The following CDH18 variants were observed in gnomAD, a reference collection of about 807,000 sequenced individuals.
CDH18 encodes the protein cadherin 18, also known as cadherin-18.
A neutral mutation model predicts 67.9 loss-of-function variants in CDH18; 31 were observed. The observed-to-expected ratio is 0.46, with a 90% confidence interval of 0.34 to 0.62. The LOEUF is 0.62. Among genes scored for constraint, CDH18 ranks in the 20% least tolerant of loss-of-function variants. CDH18 has a pLI of 0.01. For missense variants in CDH18, 890 were observed against 975.5 expected, an observed-to-expected ratio of 0.91 and a Z score of 1.17; for synonymous variants, 362 against 347.2, an observed-to-expected ratio of 1.04 and a Z score of -0.48.
At chr5:20,472,471 G>A (rs933094011) in intron 1 of CDH18, among the ~76,000 whole-genome samples, 81 of 152,124 alleles carry the variant, frequency 5.3e-4, no homozygotes, top group African/African-American at 2.4e-5. Context: ...GAGGAAGTTC[G>A]CATGTGTGAA....
chr5:19,919,176 C>T (rs1792160707), intron 2 of CDH18, among the ~76,000 whole-genome samples: 1 of 152,130 alleles, frequency 6.6e-6, no homozygotes, highest in Non-Finnish European at 1.5e-5. Flanking sequence ...ACCCCCACTA[C>T]ACAGACTCAC....
At chr5:20,497,173 G>A (rs747047047) in intron 1 of CDH18, among the ~76,000 whole-genome samples, 1 of 152,136 alleles carries the variant, frequency 6.6e-6, no homozygotes, top group East Asian at 1.9e-4. Flanking sequence ...GAGGGAAATA[G>A]TAAGTGAGGG....
At chr5:19,716,969 T>G (rs1446115295) in intron 5 of CDH18, among the ~76,000 whole-genome samples, 1 of 152,092 alleles carries the variant, frequency 6.6e-6, no homozygotes, top group Admixed American at 6.6e-5. Flanking sequence ...TAGTAGTATT[T>G]ACTGGGCATG....
At chr5:20,474,674 G>C (rs1294291540) in intron 1 of CDH18, among the ~76,000 whole-genome samples, 1 of 152,206 alleles carries the variant, frequency 6.6e-6, no homozygotes, top group Non-Finnish European at 1.5e-5. Context: ...TTCACAAGAT[G>C]AGAAAGGAAG....
Position 20,573,349 on chromosome 5 carries a change from C to A in CDH18, c.-580+2113G>T, listed in dbSNP as rs961660099. Among the ~76,000 whole-genome samples the A allele has an allele frequency of 2.6e-5, 4 of 151,444 alleles. No homozygotes were observed. In the South Asian group the frequency reaches 6.2e-4, roughly 24 times the overall value. On this transcript the variant is annotated intron_variant, in intron 1 of 14. Transcript: ENST00000507958. Reference sequence around the variant, plus strand: ...AACACACACAATACTATTAGAATTACGTTTTTTTTTAATTGCATATAAGCC... The same window carrying A: ...AACACACACAATACTATTAGAATTAAGTTTTTTTTTAATTGCATATAAGCC...
At chr5:20,544,109 T>G (rs1757204529) in intron 1 of CDH18, among the ~76,000 whole-genome samples, 1 of 152,162 alleles carries the variant, frequency 6.6e-6, no homozygotes, top group Non-Finnish European at 1.5e-5. Context: ...GTGATTAGGT[T>G]TATTGCTGAA....
At chr5:19,766,949 G>A (rs951646208) in intron 3 of CDH18, among the ~76,000 whole-genome samples, 1 of 151,790 alleles carries the variant, frequency 6.6e-6, no homozygotes, top group African/African-American at 2.4e-5. Flanking sequence ...CTCATTGAGG[G>A]GAGGAGCCAA....
At chr5:19,623,575 A>G (rs922881440) in intron 5 of CDH18, among the ~76,000 whole-genome samples, 4 of 152,020 alleles carry the variant, frequency 2.6e-5, no homozygotes, top group African/African-American at 7.2e-5. Flanking sequence ...GCATATTTTT[A>G]TCTTATTCTG....
intron 12 of CDH18, among the ~76,000 whole-genome samples, chr5:19,474,726 A>T (rs1738152768): frequency 6.6e-6 from 1 of 152,142 alleles, no homozygotes; most frequent in African/African-American, 2.4e-5. Context: ...TATTTCAAAG[A>T]CATGAAATAA....
intron 2 of CDH18, among the ~76,000 whole-genome samples, chr5:20,015,594 C>T (rs1415574845): frequency 6.6e-6 from 1 of 152,066 alleles, no homozygotes; most frequent in Admixed American, 6.6e-5. Flanking sequence ...CATTTTTGTA[C>T]ACCTATTTAA....
chr5:19,713,825 G>C (rs1002321683), intron 5 of CDH18, among the ~76,000 whole-genome samples: 30 of 152,034 alleles, frequency 2.0e-4, no homozygotes, highest in Admixed American at 1.3e-4. Flanking sequence ...GTTTGATATT[G>C]CACTGAAACT....
intron 1 of CDH18, among the ~76,000 whole-genome samples, chr5:20,517,647 CTTATAAGGTTT>C (rs1755461900): frequency 6.6e-6 from 1 of 151,874 alleles, no homozygotes; most frequent in Admixed American, 6.6e-5. Flanking sequence ...CTATAAGGTT[CTTATAAGGTTT>C]TTACGGGTTT....
chr5:20,274,695 T>C (rs1745677378), intron 1 of CDH18, among the ~76,000 whole-genome samples: 1 of 152,134 alleles, frequency 6.6e-6, no homozygotes, highest in East Asian at 1.9e-4. Flanking sequence ...AATATATATA[T>C]TTTGATACAT....
chr5:20,153,972 G>A (rs950709701), intron 2 of CDH18, among the ~76,000 whole-genome samples: 1 of 152,108 alleles, frequency 6.6e-6, no homozygotes, highest in African/African-American at 2.4e-5. Context: ...TGACATATGT[G>A]CACAGAATTA....
At chr5:19,502,765 T>C (rs545115306) in intron 11 of CDH18, 17 of 548,984 alleles carry the variant, frequency 3.1e-5, no homozygotes, top group African/African-American at 2.9e-4. Context: ...ATATTACATG[T>C]ACATTTCTTG....
chr5:20,449,778 G>C (rs1179063376), intron 1 of CDH18, among the ~76,000 whole-genome samples: 1 of 151,194 alleles, frequency 6.6e-6, no homozygotes, highest in African/African-American at 2.4e-5. Flanking sequence ...GTAAAGTCTA[G>C]GGCAAAAATA....
intron 1 of CDH18, among the ~76,000 whole-genome samples, chr5:20,561,277 T>C (rs1327572176): frequency 6.6e-6 from 1 of 152,122 alleles, no homozygotes; most frequent in Non-Finnish European, 1.5e-5. Flanking sequence ...AAGTTGAACA[T>C]TTACATACAC....
rs549113571 is a variant in CDH18 at position 19,829,950 on chromosome 5, T to C, written c.228+8809A>G. Among the ~76,000 whole-genome samples the C allele has an allele frequency of 4.9e-4, 74 of 152,306 alleles. 1 individual carries two copies. In the South Asian group the frequency reaches 0.015, roughly 31 times the overall value. On this transcript the variant is annotated intron_variant, in intron 3 of 12. Coordinates refer to ENST00000382275, the MANE Select transcript of CDH18 (RefSeq NM_004934.5). ...AACAAGCAATGGGGAAAAGGCTCGCTATTCAATAAATAATGCTAGGATAAC... is the reference window on the plus strand; with the variant it reads ...AACAAGCAATGGGGAAAAGGCTCGCCATTCAATAAATAATGCTAGGATAAC...
chr5:20,105,999 C>G (rs1746902026), intron 2 of CDH18, among the ~76,000 whole-genome samples: 1 of 152,048 alleles, frequency 6.6e-6, no homozygotes, highest in African/African-American at 2.4e-5. Context: ...GTTCTCTTTT[C>G]TGTCCCCCTT....
Sources: gnomAD v4.1 joint callset for allele counts (sites outside exome capture counted in the v4.1 genomes callset) on GRCh38, gnomAD v4.1.1 for gene constraint, MANE v1.5 for transcripts, NCBI Gene and HGNC (gene_info 2026-07-23, HGNC 2026-07-21) for gene names.